The following TRIM68 variants were observed in gnomAD, a reference collection of about 807,000 sequenced individuals.
TRIM68 encodes E3 ubiquitin-protein ligase TRIM68.
In TRIM68, 36 loss-of-function variants were observed where a neutral mutation model predicts 41.9. The ratio of observed to expected loss-of-function variants is 0.86; its 90% CI spans 0.66 to 1.14. The LOEUF (loss-of-function observed/expected upper bound fraction) is 1.14. Among genes scored for constraint, TRIM68 ranks in the 50% most tolerant of loss-of-function variants. The probability of loss-of-function intolerance (pLI) is 0.00; values close to 1 mark genes in which losing one functional copy is unlikely to be tolerated. For missense variants in TRIM68, 632 were observed against 605.1 expected (o/e 1.04, Z -0.47); for synonymous variants, 225 against 224.6 (o/e 1.00, Z -0.02).
rs541829162 is a variant in TRIM68, at chr11:4,607,226, G to T, written c.-58+801C>A. ...GTCATTTGCCATGTATTCGTCTATT[G>T]TCTTACTTCCCATACTAGAACTTTT... On this transcript the variant is annotated intron_variant, in intron 1 of 6. Transcript: ENST00000300747. Among the ~76,000 whole-genome samples the T allele has an allele frequency of 6.6e-5, 10 of 152,260 alleles. No homozygotes were observed. In the South Asian group the frequency reaches 2.1e-3, roughly 32 times the overall value.
intron 1 of TRIM68, among the ~76,000 whole-genome samples, chr11:4,607,551 G>T (rs911215259): frequency 5.9e-5 from 9 of 152,124 alleles, no homozygotes; most frequent in African/African-American, 2.2e-4. Context: ...AGAAAGTAAG[G>T]CAAAGAAATA....
At chr11:4,601,754 T>C (rs905584448) in intron 4 of TRIM68, 68 bp from the exon 5 acceptor site, 11 of 1,579,276 alleles carry the variant, frequency 7.0e-6, no homozygotes, top group Non-Finnish European at 9.6e-6. Context: ...GACATCGAAC[T>C]GGCAGGGAGT....
Position 4,600,221 on chromosome 11 carries a change from G to A in TRIM68, c.*55C>T. 5.3e-6 allele frequency: 8 copies of A among 1,501,400 alleles called. No individual in the cohort carries two copies. Among genetic ancestry groups the A allele is most frequent in the Non-Finnish European group, 7.1e-6 (8 of 1,122,590 alleles). The allele number at this position is 1,501,400 out of a possible 1,614,324, so 93.0% of individuals were successfully genotyped here. A position where few individuals can be genotyped will look rare whatever the true frequency, so the allele number is the denominator to read the frequency against. ...ACCTGTCAGTGGCTCGGTCCTCCAA[G>A]CCCCATGGGGGCCAGGCCCAATTCC... On this transcript the variant is annotated 3_prime_UTR_variant, in exon 7 of 7. Transcript: ENST00000300747.
chr11:4,603,949 G>A (rs761395112), intron 2 of TRIM68, among the ~76,000 whole-genome samples: 3 of 152,136 alleles, frequency 2.0e-5, no homozygotes, highest in Non-Finnish European at 4.4e-5. Flanking sequence ...AATATATCAA[G>A]TGTCAGGTAT....
At chr11:4,601,149 C>T (rs776937330) in intron 5 of TRIM68, 22 bp from the exon 6 acceptor site, 1 of 1,599,772 alleles carries the variant, frequency 6.3e-7, no homozygotes, top group Non-Finnish European at 8.6e-7. Context: ...GGGTGAACCT[C>T]AGGGCCAGGA....
In TRIM68 at chr11:4,604,840, G is replaced by T. The variant is rs151131948; in HGVS notation, c.426+239C>A. On this transcript the variant is annotated intron_variant, in intron 2 of 6. Transcript: ENST00000300747. ...ATTCTCATTACTGAAATCAGCCTTG[G>T]GTTAGGAATTGAGCCCTGTTAGGAT... is the stretch of plus-strand genomic sequence containing the variant. Among the ~76,000 whole-genome samples the T allele has an allele frequency of 2.3e-3, 347 of 152,292 alleles. 2 individuals carry two copies. Among genetic ancestry groups the T allele is most frequent in the Non-Finnish European group, 2.0e-3 (138 of 68,026 alleles).
chr11:4,601,450 G>A (rs1846488318), intron 5 of TRIM68: 1 of 601,060 alleles, frequency 1.7e-6, no homozygotes, highest in African/African-American at 1.9e-5. Flanking sequence ...ATATTTTACA[G>A]CTTCACTTGA....
At chr11:4,602,841 C>G (rs931019646) in intron 3 of TRIM68, among the ~76,000 whole-genome samples, 2 of 152,212 alleles carry the variant, frequency 1.3e-5, no homozygotes, top group African/African-American at 4.8e-5. Context: ...TAGTTTGATA[C>G]TTACTGGCCT....
chr11:4,601,698 A>T lies in TRIM68; in HGVS notation c.784-12T>A. On this transcript the variant is annotated splice_polypyrimidine_tract_variant and intron_variant, in intron 4 of 6. Transcript: ENST00000300747. Reference sequence around the variant, plus strand: ...ACTTCCTGAATATCCTGGAAGGAGAAAAAAAAATGCAGCATCTGAGTAAGT... The same window carrying T: ...ACTTCCTGAATATCCTGGAAGGAGATAAAAAAATGCAGCATCTGAGTAAGT... The T allele has an allele frequency of 6.2e-7, 1 of 1,612,668 alleles. No individual in the cohort carries two copies. The highest frequency in any genetic ancestry group is 2.2e-5 in the East Asian group (1 of 44,866).
intron 1 of TRIM68, among the ~76,000 whole-genome samples, chr11:4,607,035 G>T (rs1306440197): frequency 1.3e-5 from 2 of 152,008 alleles, no homozygotes. Context: ...ATCTATCCTG[G>T]CTCCCGGTTA....
chr11:4,607,635 G>A (rs899018113), intron 1 of TRIM68, among the ~76,000 whole-genome samples: 1 of 152,188 alleles, frequency 6.6e-6, no homozygotes, highest in Non-Finnish European at 1.5e-5. Context: ...ATCTAAATGG[G>A]GACAAACTAA....
At chr11:4,603,664 G>A (rs1846527170) in intron 2 of TRIM68, among the ~76,000 whole-genome samples, 1 of 152,096 alleles carries the variant, frequency 6.6e-6, no homozygotes, top group Admixed American at 6.5e-5. Context: ...CTTACTGTCT[G>A]CCAGAACCTT....
At chr11:4,603,399 G>C in intron 2 of TRIM68, 59 bp from the exon 3 acceptor site, 1 of 1,514,562 alleles carries the variant, frequency 6.6e-7, no homozygotes, top group Non-Finnish European at 9.1e-7. Flanking sequence ...CCTAGCACTG[G>C]GAGGCTATGG....
In TRIM68 at chr11:4,599,290, A is replaced by T. The variant is rs1248869610; in HGVS notation, c.*986T>A. The stretch of plus-strand genomic sequence containing the variant: ...GGAGGGCGGATCATGAGGTCAGGAG[A>T]TCGAGACCATCCTAGCTAACATGGT... On this transcript the variant is annotated 3_prime_UTR_variant, in exon 7 of 7. Transcript: ENST00000300747. 1.3e-5 allele frequency: 2 copies of T among 152,048 alleles called. No individual in the cohort carries two copies. The highest frequency in any genetic ancestry group is 2.9e-5 in the Non-Finnish European group (2 of 68,042). 9.4% of individuals were successfully genotyped at this position (152,048 alleles called of 1,614,324 possible).
rs1846471569 is a variant in TRIM68, at chr11:4,600,628, TC to T, written c.1105del (p.Glu369SerfsTer11). On this transcript the variant is annotated frameshift_variant, in exon 7 of 7. Coordinates refer to ENST00000300747, the MANE Select transcript of TRIM68 (RefSeq NM_018073.8). LOFTEE classifies it low-confidence loss of function (END_TRUNC). Reference sequence around the variant, plus strand: ...TTGCTTACATACTCCCAGGCCCCACTCAGACCTGTCTCCCACCTCCACCTCC... The same window carrying T: ...TTGCTTACATACTCCCAGGCCCCACTAGACCTGTCTCCCACCTCCACCTCC... ...YWEVEVGDRS[E>X]WGLGVCKQNV... 1.2e-6 allele frequency: 2 copies of T among 1,614,100 alleles called. No homozygotes were observed. The highest frequency in any genetic ancestry group is 4.5e-5 in the East Asian group (2 of 44,868).
intron 5 of TRIM68, chr11:4,601,443 T>A: frequency 5.0e-6 from 3 of 599,536 alleles, no homozygotes; most frequent in Non-Finnish European, 8.8e-6. Context: ...AAACCACATA[T>A]TTTACAGCTT....
Position 4,605,384 on chromosome 11 carries a change from A to G in TRIM68, c.121T>C (p.Ser41Pro). Residue 41 changes from serine (S) to proline (P), a missense_variant, in exon 2 of 7, where the codon TCT becomes CCT. Physicochemically the swap from Ser to Pro is moderately conservative, Grantham distance 74. Transcript: ENST00000300747. ...TCTCCTGGGATCTCCCAGAGTCCAG[A>G]GAGACAGCTGTGGCAGAAGCTGTGG... ...CGHSFCHSCL[S>P]GLWEIPGESQ... 1 of 1,614,212 alleles carries G rather than the reference A, an allele frequency of 6.2e-7. No homozygotes were observed. The highest frequency in any genetic ancestry group is 1.1e-5 in the South Asian group (1 of 91,090).
Position 4,599,033 on chromosome 11 carries a change from A to G in TRIM68, c.*1243T>C, listed in dbSNP as rs1846437344. 6.6e-6 allele frequency: 1 copy of G among 152,324 alleles called. No individual in the cohort carries two copies. Among genetic ancestry groups the G allele is most frequent in the African/African-American group, 2.4e-5 (1 of 41,550 alleles). The allele number at this position is 152,324 out of a possible 1,614,324, so 9.4% of individuals were successfully genotyped here. A position where few individuals can be genotyped will look rare whatever the true frequency, so the allele number is the denominator to read the frequency against. ...ATGCTGAATTACACCCATTTTCCCA[A>G]TGAGGACACATAAAACCTCCCAAAC... On this transcript the variant is annotated 3_prime_UTR_variant, in exon 7 of 7. Transcript: ENST00000300747.
chr11:4,604,981 T>C (rs1478474731), intron 2 of TRIM68, 98 bp downstream of exon 2: 6 of 1,343,530 alleles, frequency 4.5e-6, no homozygotes, highest in Non-Finnish European at 5.1e-6. Context: ...CCAAAGGAGT[T>C]AGCTCTCAGT....
Sources: gnomAD v4.1 joint callset for allele counts (sites outside exome capture counted in the v4.1 genomes callset) on GRCh38, gnomAD v4.1.1 for gene constraint, MANE v1.5 for transcripts, NCBI Gene and HGNC (gene_info 2026-07-23, HGNC 2026-07-21) for gene names.